MAST4: variants seen among roughly 807,000 people sequenced by gnomAD.
The protein encoded by MAST4 is microtubule-associated serine/threonine-protein kinase 4.
In MAST4, 89 loss-of-function variants were observed where a neutral mutation model predicts 162.7. The ratio of observed to expected loss-of-function variants is 0.55; its 90% CI spans 0.46 to 0.65. MAST4 has a LOEUF of 0.65. Ranked by LOEUF, MAST4 falls within the 30% of genes least tolerant of loss-of-function variation. The pLI, the probability that MAST4 is intolerant of heterozygous loss-of-function variation, is 0.00. For synonymous variants in MAST4, 1,479 were observed against 1,361.1 expected (o/e 1.09, Z -1.91); for missense variants, 3,153 against 3,374.0 (o/e 0.93, Z 1.62).
intron 1 of MAST4, among the ~76,000 whole-genome samples, chr5:66,728,756 A>C (rs549803431): frequency 2.4e-4 from 36 of 152,356 alleles, no homozygotes; most frequent in African/African-American, 8.2e-4. Context: ...TGTGGAAGAC[A>C]AGATGAAGGA....
intron 12 of MAST4, among the ~76,000 whole-genome samples, chr5:67,116,128 A>T (rs967248013): frequency 6.6e-6 from 1 of 152,194 alleles, no homozygotes; most frequent in African/African-American, 2.4e-5. Context: ...TTTGGAGTTT[A>T]ATCACTGGGA....
intron 4 of MAST4, among the ~76,000 whole-genome samples, chr5:66,974,785 C>G (rs767468635): frequency 2.6e-5 from 4 of 152,086 alleles, no homozygotes; most frequent in African/African-American, 9.7e-5. Flanking sequence ...GTACATAATA[C>G]CTTGAAAGCT....
chr5:67,160,040 A>C (rs1268332787), intron 26 of MAST4, among the ~76,000 whole-genome samples: 1 of 152,240 alleles, frequency 6.6e-6, no homozygotes, highest in East Asian at 1.9e-4. Flanking sequence ...CCTGTGGAAG[A>C]AGTAGTTATC....
rs140168686 is a variant in MAST4, at chr5:67,047,347, C to T, written c.675-7057C>T. Among the ~76,000 whole-genome samples the T allele has an allele frequency of 5.3e-4, 80 of 152,318 alleles. No individual in the cohort carries two copies. In the East Asian group the frequency reaches 0.013, roughly 25 times the overall value. On this transcript the variant is annotated intron_variant, in intron 4 of 28. Coordinates refer to ENST00000403625, the MANE Select transcript of MAST4 (RefSeq NM_001164664.2). ...TCTACCATCCTCTGCTGGCACTCTT[C>T]CCTGGCTCTCTGCACGCCTGCCATG...
At chr5:66,960,343 G>A (rs1000912169) in intron 4 of MAST4, among the ~76,000 whole-genome samples, 1 of 152,128 alleles carries the variant, frequency 6.6e-6, no homozygotes, top group Non-Finnish European at 1.5e-5. Flanking sequence ...CTAAAATTGT[G>A]CCCTGATTTT....
chr5:67,025,027 G>T (rs780837074), intron 4 of MAST4, among the ~76,000 whole-genome samples: 1 of 152,064 alleles, frequency 6.6e-6, no homozygotes, highest in African/African-American at 2.4e-5. Context: ...CTAACTAGTT[G>T]TGTGACATTG....
intron 1 of MAST4, among the ~76,000 whole-genome samples, chr5:66,748,080 C>A (rs1241742556): frequency 6.6e-6 from 1 of 152,116 alleles, no homozygotes; most frequent in African/African-American, 2.4e-5. Context: ...AGTAGAGAAA[C>A]ATGACTAGGT....
At chr5:66,706,352 AGC>A (rs1750125065) in intron 1 of MAST4, among the ~76,000 whole-genome samples, 1 of 152,154 alleles carries the variant, frequency 6.6e-6, no homozygotes, top group South Asian at 2.1e-4. Flanking sequence ...TGGAGGACAG[AGC>A]CAAGCCCCAA....
intron 1 of MAST4, among the ~76,000 whole-genome samples, chr5:66,750,031 GTC>G (rs937684467): frequency 1.3e-5 from 2 of 152,202 alleles, no homozygotes; most frequent in African/African-American, 4.8e-5. Context: ...TACAAGCATA[GTC>G]TCTGCAGTTT....
At chr5:66,901,055 C>G (rs1762977771) in intron 4 of MAST4, among the ~76,000 whole-genome samples, 1 of 152,114 alleles carries the variant, frequency 6.6e-6, no homozygotes, top group South Asian at 2.1e-4. Context: ...TTAGAATTAA[C>G]TCTTTCCTCT....
intron 1 of MAST4, among the ~76,000 whole-genome samples, chr5:66,691,993 G>A (rs1014478163): frequency 2.6e-5 from 4 of 152,110 alleles, no homozygotes; most frequent in Non-Finnish European, 4.4e-5. Flanking sequence ...ATATGTAGGT[G>A]TAAAAATTAC....
At chr5:66,867,272 G>T (rs1760598477) in intron 3 of MAST4, among the ~76,000 whole-genome samples, 1 of 152,042 alleles carries the variant, frequency 6.6e-6, no homozygotes, top group Admixed American at 6.6e-5. Context: ...CTGATTTAAA[G>T]AATTAGGCTT....
At chr5:67,027,934 C>T (rs1404808954) in intron 4 of MAST4, among the ~76,000 whole-genome samples, 1 of 152,172 alleles carries the variant, frequency 6.6e-6, no homozygotes, top group African/African-American at 2.4e-5. Context: ...ATCAGTTGAG[C>T]ACCTTCCATG....
At chr5:66,878,449 G>C (rs1761452725) in intron 3 of MAST4, among the ~76,000 whole-genome samples, 1 of 152,146 alleles carries the variant, frequency 6.6e-6, no homozygotes, top group Admixed American at 6.5e-5. Flanking sequence ...GCACCTTTGG[G>C]CAGTGAGGTT....
At chr5:66,739,082 T>G (rs1435743263) in intron 1 of MAST4, among the ~76,000 whole-genome samples, 1 of 152,232 alleles carries the variant, frequency 6.6e-6, no homozygotes, top group East Asian at 1.9e-4. Flanking sequence ...AGGCCATCAC[T>G]TAAATGCATT....
intron 3 of MAST4, among the ~76,000 whole-genome samples, chr5:66,792,977 T>G (rs1459693617): frequency 3.3e-5 from 5 of 152,184 alleles, no homozygotes; most frequent in African/African-American, 1.2e-4. Context: ...AAAATACATT[T>G]CAGAAAAGTA....
Position 66,768,548 on chromosome 5 carries a change from G to A in MAST4, c.517+8686G>A, listed in dbSNP as rs376338337. ...AAAGTCAGTCCAAAGAGGTTATACTGTATAATTCCACTAATATATAACATT... is the reference window on the plus strand; with the variant it reads ...AAAGTCAGTCCAAAGAGGTTATACTATATAATTCCACTAATATATAACATT... On this transcript the variant is annotated intron_variant, in intron 2 of 28. Coordinates refer to ENST00000403625, the MANE Select transcript of MAST4 (RefSeq NM_001164664.2). 7.9e-5 allele frequency among the ~76,000 whole-genome samples: 12 copies of A among 152,306 alleles called. No individual in the cohort carries two copies. The East Asian group carries it at 1.4e-3, about 17-fold the overall frequency.
chr5:66,965,803 T>A (rs900119077), intron 4 of MAST4, among the ~76,000 whole-genome samples: 2 of 152,186 alleles, frequency 1.3e-5, no homozygotes, highest in African/African-American at 4.8e-5. Flanking sequence ...GCTAAAAAGT[T>A]TGACTTTCAT....
At chr5:66,705,863 T>C (rs1200838171) in intron 1 of MAST4, among the ~76,000 whole-genome samples, 1 of 152,194 alleles carries the variant, frequency 6.6e-6, no homozygotes, top group Non-Finnish European at 1.5e-5. Flanking sequence ...TGATGGTATG[T>C]ATGTTATTTT....
Sources: gnomAD v4.1 joint callset for allele counts (sites outside exome capture counted in the v4.1 genomes callset) on GRCh38, gnomAD v4.1.1 for gene constraint, MANE v1.5 for transcripts, NCBI Gene and HGNC (gene_info 2026-07-23, HGNC 2026-07-21) for gene names.